SLC24A3: variants seen among roughly 807,000 people sequenced by gnomAD.
SLC24A3 encodes sodium/potassium/calcium exchanger 3.
Under a neutral mutation model 75.8 loss-of-function variants are expected in SLC24A3, and 28 were observed. That is an observed-to-expected ratio of 0.37 (90% CI 0.27 to 0.51). The LOEUF is 0.51. Among genes scored for constraint, SLC24A3 ranks in the 20% least tolerant of loss-of-function variants. The pLI, the probability that SLC24A3 is intolerant of heterozygous loss-of-function variation, is 0.94. For missense variants in SLC24A3, 663 were observed against 847.8 expected, an observed-to-expected ratio of 0.78 and a Z score of 2.71; for synonymous variants, 372 against 334.1, an observed-to-expected ratio of 1.11 and a Z score of -1.24.
intron 2 of SLC24A3, among the ~76,000 whole-genome samples, chr20:19,456,480 C>G (rs1987580171): frequency 6.6e-6 from 1 of 152,208 alleles, no homozygotes; most frequent in African/African-American, 2.4e-5. Flanking sequence ...ACGGGACTTG[C>G]TCCTCCTTGC....
chr20:19,719,594 C>T (rs2033080485), intron 16 of SLC24A3, among the ~76,000 whole-genome samples: 1 of 151,996 alleles, frequency 6.6e-6, no homozygotes, highest in Non-Finnish European at 1.5e-5. Context: ...AAGTAGCCGT[C>T]TGGGGAAGGG....
At chr20:19,325,860 G>A (rs1240805468) in intron 2 of SLC24A3, among the ~76,000 whole-genome samples, 1 of 138,242 alleles carries the variant, frequency 7.2e-6, no homozygotes, top group Non-Finnish European at 1.5e-5. Context: ...GGAGGAGGGG[G>A]ACCCAAATCT....
intron 2 of SLC24A3, among the ~76,000 whole-genome samples, chr20:19,328,243 C>T (rs1211423775): frequency 4.6e-5 from 7 of 151,226 alleles, no homozygotes; most frequent in South Asian, 2.1e-4. Flanking sequence ...GTTGGAGGGA[C>T]GTCAAAGGTC....
chr20:19,611,141 C>T (rs915278956), intron 6 of SLC24A3, among the ~76,000 whole-genome samples: 1 of 152,200 alleles, frequency 6.6e-6, no homozygotes, highest in African/African-American at 2.4e-5. Context: ...ATCCAAGTGA[C>T]TGCCTCACAG....
rs117952445 is a variant in SLC24A3 at position 19,457,414 on chromosome 20, A to G, written c.272-58074A>G. On this transcript the variant is annotated intron_variant, in intron 2 of 16. Coordinates refer to ENST00000328041, the MANE Select transcript of SLC24A3 (RefSeq NM_020689.4). ...ATTCAGACTAAAACAAAAATTATTTATAGTCTACTTACTTTTCACTCAAGA... is the reference window on the plus strand; with the variant it reads ...ATTCAGACTAAAACAAAAATTATTTGTAGTCTACTTACTTTTCACTCAAGA... 3.8e-4 allele frequency among the ~76,000 whole-genome samples: 58 copies of G among 152,380 alleles called. No individual in the cohort carries two copies. In the East Asian group the frequency reaches 0.011, roughly 28 times the overall value.
At chr20:19,322,305 C>T (rs940278030) in intron 2 of SLC24A3, among the ~76,000 whole-genome samples, 3 of 151,922 alleles carry the variant, frequency 2.0e-5, no homozygotes, top group Admixed American at 6.6e-5. Flanking sequence ...TCTAAATATA[C>T]CCCTCCCCTT....
At chr20:19,567,811 C>G (rs1045697551) in intron 3 of SLC24A3, among the ~76,000 whole-genome samples, 11 of 152,092 alleles carry the variant, frequency 7.2e-5, no homozygotes, top group African/African-American at 2.7e-4. Context: ...AAACTTTTGT[C>G]CATCAAAGGA....
chr20:19,641,662 C>T (rs1468681364), intron 6 of SLC24A3, among the ~76,000 whole-genome samples: 6 of 152,152 alleles, frequency 3.9e-5, no homozygotes, highest in Admixed American at 3.9e-4. Flanking sequence ...GCAGTGGTCT[C>T]AGTCCCTATC....
In SLC24A3 at chr20:19,275,408, A is replaced by C. The variant is rs539395563; in HGVS notation, c.143-5551A>C. ...GCAGCAAACTTCCTCATCTGCTGCCACCGCGGTGTCTGAAGGAGTTAAACC... is the reference window on the plus strand; with the variant it reads ...GCAGCAAACTTCCTCATCTGCTGCCCCCGCGGTGTCTGAAGGAGTTAAACC... On this transcript the variant is annotated intron_variant, in intron 1 of 16. Coordinates refer to ENST00000328041, the MANE Select transcript of SLC24A3 (RefSeq NM_020689.4). 2.0e-5 allele frequency among the ~76,000 whole-genome samples: 3 copies of C among 152,296 alleles called. No individual in the cohort carries two copies. In the East Asian group the frequency reaches 5.8e-4, roughly 29 times the overall value.
chr20:19,405,539 G>A (rs1986629275), intron 2 of SLC24A3, among the ~76,000 whole-genome samples: 1 of 152,200 alleles, frequency 6.6e-6, no homozygotes, highest in African/African-American at 2.4e-5. Flanking sequence ...ATGTATGGAA[G>A]CCAAAGGCAG....
At chr20:19,654,325 G>A (rs1039548667) in intron 7 of SLC24A3, among the ~76,000 whole-genome samples, 189 bp downstream of exon 7, 2 of 152,048 alleles carry the variant, frequency 1.3e-5, no homozygotes, top group African/African-American at 4.8e-5. Context: ...ACCAATTGCT[G>A]GTCAGAGCCG....
intron 2 of SLC24A3, among the ~76,000 whole-genome samples, chr20:19,307,376 A>G: frequency 6.6e-6 from 1 of 152,220 alleles, no homozygotes; most frequent in Non-Finnish European, 1.5e-5. Context: ...CCAAAATGGA[A>G]TGATTTTATC....
At chr20:19,218,661 C>T (rs1981627307) in intron 1 of SLC24A3, among the ~76,000 whole-genome samples, 1 of 151,600 alleles carries the variant, frequency 6.6e-6, no homozygotes, top group African/African-American at 2.4e-5. Context: ...CAAAGATTTC[C>T]TCCACTTGCA....
At chr20:19,501,266 A>G (rs190614257) in intron 2 of SLC24A3, among the ~76,000 whole-genome samples, 12 of 152,318 alleles carry the variant, frequency 7.9e-5, no homozygotes, top group African/African-American at 2.6e-4. Flanking sequence ...TATCATTTTC[A>G]TCTTAACTAA....
At chr20:19,633,130 C>A (rs1235317850) in intron 6 of SLC24A3, among the ~76,000 whole-genome samples, 1 of 152,182 alleles carries the variant, frequency 6.6e-6, no homozygotes, top group Non-Finnish European at 1.5e-5. Context: ...GTAGCATATT[C>A]TTAGTCAGCC....
At chr20:19,299,800 A>G (rs992670338) in intron 2 of SLC24A3, among the ~76,000 whole-genome samples, 2 of 152,204 alleles carry the variant, frequency 1.3e-5, no homozygotes, top group Admixed American at 6.5e-5. Flanking sequence ...CTTCAGAGTC[A>G]AAAGAAAATG....
rs373624420 is a variant in SLC24A3 at position 19,696,893 on chromosome 20, C to T, written c.1588C>T (p.Leu530Phe). Residue 530 changes from leucine (L) to phenylalanine (F), a missense_variant, in exon 14 of 17, where the codon CTC becomes TTC. Leu to Phe is a conservative substitution (Grantham distance 22, BLOSUM62 0). Transcript: ENST00000328041. ...CAGCGTGCCTGACTGCATGGCCAGCCTCATTGTGGCCAGACAAGGTGGGAC... is the reference window on the plus strand; with the variant it reads ...CAGCGTGCCTGACTGCATGGCCAGCTTCATTGTGGCCAGACAAGGTGGGAC... Reference protein sequence around the residue: ...GTSVPDCMASLIVARQGMGDM... With the variant: ...GTSVPDCMASFIVARQGMGDM... The T allele has an allele frequency of 6.0e-6, 9 of 1,503,752 alleles. No individual in the cohort carries two copies. Among genetic ancestry groups the T allele is most frequent in the African/African-American group, 1.4e-5 (1 of 70,484 alleles). The allele number at this position is 1,503,752 out of a possible 1,614,324, so 93.2% of individuals were successfully genotyped here.
At chr20:19,407,351 C>T (rs1363729558) in intron 2 of SLC24A3, among the ~76,000 whole-genome samples, 1 of 152,184 alleles carries the variant, frequency 6.6e-6, no homozygotes, top group Non-Finnish European at 1.5e-5. Flanking sequence ...TGTCCCGGTG[C>T]TGTGTCCTCA....
chr20:19,607,466 C>A (rs1263701389), intron 6 of SLC24A3, among the ~76,000 whole-genome samples: 1 of 152,184 alleles, frequency 6.6e-6, no homozygotes, highest in Admixed American at 6.5e-5. Flanking sequence ...CCAGCCCGGG[C>A]CTTCTGAGGC....
Sources: allele counts gnomAD v4.1 joint callset (sites outside exome capture counted in the v4.1 genomes callset), GRCh38; gene constraint gnomAD v4.1.1; transcripts MANE v1.5; gene names NCBI Gene and HGNC (gene_info 2026-07-23, HGNC 2026-07-21).